Variants in METTL2B observed in about 807,000 individuals in gnomAD.
METTL2B encodes the protein methyltransferase 2B, tRNA N3-cytidine.
METTL2B carries 28 observed loss-of-function variants against 51.0 expected under a neutral mutation model. That is an observed-to-expected ratio of 0.55 (90% CI 0.41 to 0.75). METTL2B has a LOEUF of 0.75. METTL2B is among the 30% of genes least tolerant of loss of function. METTL2B has a pLI of 0.00. For synonymous variants in METTL2B, 128 were observed against 166.3 expected, an observed-to-expected ratio of 0.77 and a Z score of 1.77; for missense variants, 313 against 460.7, an observed-to-expected ratio of 0.68 and a Z score of 2.93.
intron 4 of METTL2B, among the ~76,000 whole-genome samples, chr7:128,482,218 ATC>A (rs1799880896): frequency 6.6e-6 from 1 of 151,952 alleles, no homozygotes; most frequent in African/African-American, 2.4e-5. Flanking sequence ...CAGTGGCACA[ATC>A]TCGACTCATT....
intron 4 of METTL2B, among the ~76,000 whole-genome samples, chr7:128,482,368 G>T (rs1004005509): frequency 5.9e-5 from 9 of 151,732 alleles, no homozygotes; most frequent in African/African-American, 2.2e-4. Context: ...TGGCCAGGCT[G>T]GTCTCAGACT....
chr7:128,488,564 G>A (rs899553929), intron 5 of METTL2B: 17 of 451,900 alleles, frequency 3.8e-5, no homozygotes, highest in African/African-American at 3.0e-4. Context: ...TGTGTAAGAC[G>A]GTCAACTTAA....
At chr7:128,488,433 C>G in intron 5 of METTL2B, 1 of 608,056 alleles carries the variant, frequency 1.6e-6, no homozygotes, top group South Asian at 1.5e-5. Flanking sequence ...CATATGCTCA[C>G]TTAGTGTCTG....
intron 4 of METTL2B, among the ~76,000 whole-genome samples, chr7:128,486,258 A>C (rs1478130157): frequency 6.6e-6 from 1 of 151,476 alleles, no homozygotes; most frequent in Non-Finnish European, 1.5e-5. Context: ...ACGCTATTGC[A>C]CTCCAGCCTG....
At position 128,503,534 on chromosome 7, in the gene METTL2B, G is replaced by GAGCC. The variant is rs1178201644; in HGVS notation, c.*1620_*1623dup. On this transcript the variant is annotated 3_prime_UTR_variant, in exon 9 of 9. Transcript: ENST00000262432. ...CATTATCACCTCGAACTTCTGGCTT[G>GAGCC]AGCCATCGCTCCACCTCAGCCTCCT... The GAGCC allele has an allele frequency of 6.6e-6, 1 of 150,774 alleles. No individual in the cohort carries two copies. The highest frequency in any genetic ancestry group is 1.5e-5 in the Non-Finnish European group (1 of 67,908). The allele number at this position is 150,774 out of a possible 1,614,324, so 9.3% of individuals were successfully genotyped here.
chr7:128,490,100 G>A (rs1792801613), intron 5 of METTL2B, among the ~76,000 whole-genome samples: 1 of 152,086 alleles, frequency 6.6e-6, no homozygotes, highest in Admixed American at 6.6e-5. Context: ...AACTAAGTTT[G>A]ATGCCATTTC....
At chr7:128,482,343 A>G (rs1799882293) in intron 4 of METTL2B, among the ~76,000 whole-genome samples, 1 of 151,728 alleles carries the variant, frequency 6.6e-6, no homozygotes, top group Admixed American at 6.6e-5. Context: ...TAGTAGAGAC[A>G]GGGTTTCACC....
chr7:128,489,722 G>A (rs1414648777), intron 5 of METTL2B, among the ~76,000 whole-genome samples: 1 of 141,436 alleles, frequency 7.1e-6, no homozygotes, highest in Non-Finnish European at 1.5e-5. Flanking sequence ...TCCGCCTCCC[G>A]GGTTCACGCC....
intron 6 of METTL2B, among the ~76,000 whole-genome samples, chr7:128,494,228 G>A (rs1792885364): frequency 6.6e-6 from 1 of 152,136 alleles, no homozygotes; most frequent in Non-Finnish European, 1.5e-5. Context: ...CTGGGCTCAA[G>A]CAATCCTCCC....
chr7:128,493,968 A>C (rs1419399620), intron 6 of METTL2B, 25 bp downstream of exon 6: 2 of 1,591,064 alleles, frequency 1.3e-6, no homozygotes, highest in East Asian at 2.2e-5. Flanking sequence ...CTTAGCTGGT[A>C]GTGTCACAAA....
chr7:128,480,863 A>G lies in METTL2B; in HGVS notation c.608+167A>G, dbSNP rs74303239. On this transcript the variant is annotated intron_variant, in intron 4 of 8. Transcript: ENST00000262432. ...GCAATGTAGCAAGAAAAAAAAGTAA[A>G]GATTTTTTCAAAACTTGCTGCATCA... 0.069 allele frequency among the ~76,000 whole-genome samples: 10,581 copies of G among 152,300 alleles called. 776 individuals are homozygous for G. Among genetic ancestry groups the G allele is most frequent in the East Asian group, 0.26 (1,360 of 5,188 alleles).
Position 128,477,039 on chromosome 7 carries a change from G to A in METTL2B, c.111-43G>A, listed in dbSNP as rs368272006. 1.4e-3 allele frequency: 2,222 copies of A among 1,613,870 alleles called. 2 individuals carry two copies. Among genetic ancestry groups the A allele is most frequent in the Admixed American group, 2.3e-3 (135 of 59,954 alleles). Reference sequence around the variant, plus strand: ...AGGCCAGCGACTCACCCTGCTCGCAGCCAGGACGTGAAGCCCCTAAGCTGC... The same window carrying A: ...AGGCCAGCGACTCACCCTGCTCGCAACCAGGACGTGAAGCCCCTAAGCTGC... On this transcript the variant is annotated intron_variant, in intron 1 of 8. Transcript: ENST00000262432.
intron 5 of METTL2B, 66 bp from the exon 6 acceptor site, chr7:128,493,738 A>C: frequency 6.5e-7 from 1 of 1,532,952 alleles, no homozygotes; most frequent in Non-Finnish European, 8.8e-7. Flanking sequence ...ATTTAAAACA[A>C]GATAATCTTT....
intron 4 of METTL2B, among the ~76,000 whole-genome samples, chr7:128,487,614 A>G (rs191841708): frequency 1.0e-3 from 157 of 152,338 alleles, no homozygotes; most frequent in African/African-American, 3.4e-3. Flanking sequence ...AGCATCTAAG[A>G]TAATACACAA....
In METTL2B at chr7:128,503,443, T is replaced by A. The variant is rs1180579629; in HGVS notation, c.*1527T>A. 1 of 150,972 alleles carries A rather than the reference T, an allele frequency of 6.6e-6. No homozygotes were observed. The highest frequency in any genetic ancestry group is 1.5e-5 in the Non-Finnish European group (1 of 67,702). 9.4% of individuals were successfully genotyped at this position (150,972 alleles called of 1,614,324 possible). A position where few individuals can be genotyped will look rare whatever the true frequency, so the allele number is the denominator to read the frequency against. The stretch of plus-strand genomic sequence containing the variant: ...TGTCAGTGTTAGATGCTTTTTTTTT[T>A]TTTTTTTAGGAGACAGGGCTCTCAC... On this transcript the variant is annotated 3_prime_UTR_variant, in exon 9 of 9. Transcript: ENST00000262432.
intron 8 of METTL2B, 114 bp from the exon 9 acceptor site, chr7:128,501,648 C>G (rs1793031862): frequency 6.6e-7 from 1 of 1,513,866 alleles, no homozygotes; most frequent in Admixed American, 2.3e-5. Flanking sequence ...ACCAAATGGC[C>G]ATGTAAAAAA....
At position 128,504,839 on chromosome 7, in the gene METTL2B, C is replaced by G. The variant is rs1017882629; in HGVS notation, c.*2923C>G. 6.6e-6 allele frequency: 1 copy of G among 151,650 alleles called. No individual in the cohort carries two copies. Among genetic ancestry groups the G allele is most frequent in the Non-Finnish European group, 1.5e-5 (1 of 68,026 alleles). 9.4% of individuals were successfully genotyped at this position (151,650 alleles called of 1,614,324 possible). A position where few individuals can be genotyped will look rare whatever the true frequency, so the allele number is the denominator to read the frequency against. On this transcript the variant is annotated 3_prime_UTR_variant, in exon 9 of 9. Coordinates refer to ENST00000262432, the MANE Select transcript of METTL2B (RefSeq NM_018396.3). ...ACAGACCAGGCATGGTGGCTCACAC[C>G]TGTAATCCCAGCACTTTGAGAGACC...
intron 7 of METTL2B, 117 bp downstream of exon 7, chr7:128,498,259 A>G (rs1195847735): frequency 1.8e-5 from 21 of 1,153,720 alleles, no homozygotes; most frequent in East Asian, 3.8e-5. Flanking sequence ...ACCAAACACC[A>G]TATTTTCTCA....
At chr7:128,492,585 C>G (rs1351333041) in intron 5 of METTL2B, among the ~76,000 whole-genome samples, 3 of 149,496 alleles carry the variant, frequency 2.0e-5, no homozygotes, top group Non-Finnish European at 4.5e-5. Flanking sequence ...CCTAGCAGAT[C>G]GTGCTTTTGG....
Sources: gnomAD v4.1 joint callset for allele counts (sites outside exome capture counted in the v4.1 genomes callset) on GRCh38, gnomAD v4.1.1 for gene constraint, MANE v1.5 for transcripts, NCBI Gene and HGNC (gene_info 2026-07-23, HGNC 2026-07-21) for gene names.